Variants in PCSK5 observed in about 807,000 individuals in gnomAD.
The protein encoded by PCSK5 is proprotein convertase subtilisin/kexin type 5.
In PCSK5, 129 loss-of-function variants were observed where a neutral mutation model predicts 233.2. The observed-to-expected ratio is 0.55, with a 90% confidence interval of 0.48 to 0.64. PCSK5 has a LOEUF of 0.64. PCSK5 is among the 30% of genes least tolerant of loss of function. PCSK5 has a pLI of 0.00. For synonymous variants in PCSK5, 825 were observed against 879.2 expected, an observed-to-expected ratio of 0.94 and a Z score of 1.09; for missense variants, 2,076 against 2,430.1, an observed-to-expected ratio of 0.85 and a Z score of 3.06.
chr9:76,235,196 G>A (rs1826212818), intron 22 of PCSK5, among the ~76,000 whole-genome samples: 1 of 152,158 alleles, frequency 6.6e-6, no homozygotes, highest in Non-Finnish European at 1.5e-5. Context: ...TGGAAGGAAT[G>A]TTAAGACCAG....
chr9:76,067,525 T>A (rs140723493), intron 5 of PCSK5, among the ~76,000 whole-genome samples: 9 of 152,242 alleles, frequency 5.9e-5, no homozygotes, highest in Admixed American at 1.3e-4. Context: ...AAAAGCAGAT[T>A]CTCATACCCA....
chr9:76,285,666 C>T (rs763125198), intron 24 of PCSK5, among the ~76,000 whole-genome samples: 5 of 152,064 alleles, frequency 3.3e-5, no homozygotes, highest in African/African-American at 4.8e-5. Flanking sequence ...ACCAGTTTTG[C>T]GGAGGGTTGA....
chr9:75,908,925 C>CTATCTATCTATCTATCTA (rs1554704504), intron 1 of PCSK5, among the ~76,000 whole-genome samples: 1 of 103,786 alleles, frequency 9.6e-6, no homozygotes, highest in Non-Finnish European at 2.1e-5. Flanking sequence ...CTATCTATCT[C>CTATCTATCTATCTATCTA]TCTATCTCTC....
At chr9:75,924,575 A>G (rs1052108798) in intron 1 of PCSK5, among the ~76,000 whole-genome samples, 1 of 152,100 alleles carries the variant, frequency 6.6e-6, no homozygotes, top group Non-Finnish European at 1.5e-5. Flanking sequence ...CGGTATAACC[A>G]GGTATGAAGG....
intron 20 of PCSK5, among the ~76,000 whole-genome samples, chr9:76,225,913 G>A (rs1024487509): frequency 1.3e-5 from 2 of 152,186 alleles, no homozygotes; most frequent in African/African-American, 2.4e-5. Flanking sequence ...TGGACCATTC[G>A]GGTGGGTAGG....
intron 3 of PCSK5, among the ~76,000 whole-genome samples, chr9:76,018,743 C>A (rs183727527): frequency 1.1e-3 from 172 of 152,248 alleles, no homozygotes; most frequent in African/African-American, 4.1e-3. Context: ...CTTGGTGTTT[C>A]CAGAAAGATG....
intron 9 of PCSK5, among the ~76,000 whole-genome samples, chr9:76,113,411 C>T (rs73456448): frequency 0.023 from 3,460 of 152,174 alleles, 130 homozygotes; most frequent in African/African-American, 0.078. Flanking sequence ...CTAAAAAGTC[C>T]GTCTATATAA....
At chr9:76,144,018 G>A (rs1415939385) in intron 10 of PCSK5, among the ~76,000 whole-genome samples, 2 of 152,048 alleles carry the variant, frequency 1.3e-5, no homozygotes, top group Non-Finnish European at 2.9e-5. Flanking sequence ...AAGAGAGCAA[G>A]TATACATAAT....
At chr9:75,954,086 A>G (rs1412050297) in intron 2 of PCSK5, among the ~76,000 whole-genome samples, 1 of 152,196 alleles carries the variant, frequency 6.6e-6, no homozygotes, top group Non-Finnish European at 1.5e-5. Context: ...GAATAGGTTA[A>G]TAATCTGTAA....
chr9:76,074,396 T>C (rs1415367688), intron 7 of PCSK5, among the ~76,000 whole-genome samples: 3 of 152,242 alleles, frequency 2.0e-5, no homozygotes, highest in African/African-American at 7.2e-5. Context: ...CATTTGCTTT[T>C]AGAGTTGAGG....
intron 30 of PCSK5, among the ~76,000 whole-genome samples, chr9:76,314,108 A>AC (rs1255310500): frequency 6.6e-6 from 1 of 152,202 alleles, no homozygotes; most frequent in Non-Finnish European, 1.5e-5. Context: ...TTGACAACAC[A>AC]TTAAAACAAG....
At position 76,356,144 on chromosome 9, in the gene PCSK5, A is replaced by T. The variant is rs188885080; in HGVS notation, c.5254+1925A>T. Among the ~76,000 whole-genome samples the T allele has an allele frequency of 3.3e-5, 5 of 152,176 alleles. No individual in the cohort carries two copies. The East Asian group carries it at 9.6e-4, about 29-fold the overall frequency. On this transcript the variant is annotated intron_variant, in intron 37 of 37. Coordinates refer to ENST00000674117, the MANE Select transcript of PCSK5 (RefSeq NM_001372043.1). ...TTCAGGGTCTGATTGCCTAATATCC[A>T]TTCTGTGTCAGCTAAGAATAATAAC... is the stretch of plus-strand genomic sequence containing the variant.
At chr9:75,937,886 C>T (rs1225470546) in intron 2 of PCSK5, among the ~76,000 whole-genome samples, 2 of 152,198 alleles carry the variant, frequency 1.3e-5, no homozygotes, top group Non-Finnish European at 2.9e-5. Flanking sequence ...TTACGTCTCT[C>T]AGCCTTCTTA....
At chr9:76,316,847 A>T (rs999656126) in intron 30 of PCSK5, among the ~76,000 whole-genome samples, 1 of 151,614 alleles carries the variant, frequency 6.6e-6, no homozygotes, top group Admixed American at 6.6e-5. Context: ...TGGTGGGCAT[A>T]TAACACATTG....
At chr9:76,337,242 TCAG>T (rs1380448897) in intron 34 of PCSK5, among the ~76,000 whole-genome samples, 1 of 151,106 alleles carries the variant, frequency 6.6e-6, no homozygotes, top group Non-Finnish European at 1.5e-5. Flanking sequence ...TGGTGTGCTC[TCAG>T]CTCACTCTCC....
intron 2 of PCSK5, among the ~76,000 whole-genome samples, chr9:75,934,619 T>C (rs118179225): frequency 0.2 from 29,666 of 151,788 alleles, 3,149 homozygotes; most frequent in East Asian, 0.32. Context: ...CTCACTCTTA[T>C]TGCCCAGGCT....
Position 76,076,341 on chromosome 9 carries a change from G to A in PCSK5, c.894+4443G>A, listed in dbSNP as rs542796264. ...TGTGAATTGTGTTCTGTTATAGGAA[G>A]CCATGAAAGACTAAACAGAATTGTG... On this transcript the variant is annotated intron_variant, in intron 7 of 37. Transcript: ENST00000674117. Among the ~76,000 whole-genome samples the A allele has an allele frequency of 1.1e-4, 16 of 152,278 alleles. No individual in the cohort carries two copies. In the East Asian group the frequency reaches 3.1e-3, roughly 29 times the overall value.
At chr9:75,899,689 C>T (rs1825945948) in intron 1 of PCSK5, among the ~76,000 whole-genome samples, 1 of 152,108 alleles carries the variant, frequency 6.6e-6, no homozygotes, top group Admixed American at 6.5e-5. Flanking sequence ...GGTGGAAGAG[C>T]ATTTAGGTTG....
intron 2 of PCSK5, among the ~76,000 whole-genome samples, chr9:75,958,790 CAG>C (rs550803698): frequency 8.7e-4 from 133 of 152,316 alleles, no homozygotes; most frequent in Middle Eastern, 6.8e-3. Context: ...AATAAGAACT[CAG>C]AGTAGTGTGA....
Sources: gnomAD v4.1 joint callset for allele counts (sites outside exome capture counted in the v4.1 genomes callset) on GRCh38, gnomAD v4.1.1 for gene constraint, MANE v1.5 for transcripts, NCBI Gene and HGNC (gene_info 2026-07-23, HGNC 2026-07-21) for gene names.